PCDH10: variants seen among roughly 807,000 people sequenced by gnomAD.
PCDH10 encodes protocadherin-10.
In PCDH10, 15 loss-of-function variants were observed where a neutral mutation model predicts 74.4. The observed-to-expected ratio is 0.20, with a 90% CI of 0.13 to 0.31. The LOEUF (loss-of-function observed/expected upper bound fraction) is 0.31. Among genes scored for constraint, PCDH10 ranks in the 10% least tolerant of loss-of-function variants. PCDH10 has a pLI of 1.00. For synonymous variants in PCDH10, 619 were observed against 589.8 expected, an observed-to-expected ratio of 1.05 and a Z score of -0.72; for missense variants, 1,260 against 1,390.2, an observed-to-expected ratio of 0.91 and a Z score of 1.49.
At chr4:133,153,169 T>G (rs1156668400) in intron 1 of PCDH10, 1 of 1,127,612 alleles carries the variant, frequency 8.9e-7, no homozygotes, top group Non-Finnish European at 1.1e-6. Context: ...TCCCAGGCAT[T>G]AATAAAGTTG....
intron 2 of PCDH10, among the ~76,000 whole-genome samples, chr4:133,205,304 C>A (rs1193927351): frequency 6.6e-6 from 1 of 152,146 alleles, no homozygotes; most frequent in Non-Finnish European, 1.5e-5. Flanking sequence ...CTTGGTCAGG[C>A]TTGACTCATG....
intron 4 of PCDH10, among the ~76,000 whole-genome samples, chr4:133,181,241 TCAGA>T (rs1367520441): frequency 2.6e-5 from 4 of 152,120 alleles, no homozygotes; most frequent in African/African-American, 4.8e-5. Flanking sequence ...TATACAATAA[TCAGA>T]CAATTAGTCA....
chr4:133,204,229 T>A (rs546480439), intron 2 of PCDH10, among the ~76,000 whole-genome samples: 13 of 152,264 alleles, frequency 8.5e-5, no homozygotes, highest in African/African-American at 2.6e-4. Context: ...CTGGGAGCCA[T>A]GCTTAATTCT....
At position 133,164,325 on chromosome 4, in the gene PCDH10, A is replaced by G. The variant is rs2125863715; in HGVS notation, c.3103+1043A>G. Among the ~76,000 whole-genome samples, 3 of 152,162 alleles carry G rather than the reference A, an allele frequency of 2.0e-5. No homozygotes were observed. In the South Asian group the frequency reaches 6.2e-4, roughly 32 times the overall value. Reference sequence around the variant, plus strand: ...TAAAATAGCCTAAAATCAAACTTTAATAAGTGAGGAACATGATGCGATCTT... The same window carrying G: ...TAAAATAGCCTAAAATCAAACTTTAGTAAGTGAGGAACATGATGCGATCTT... On this transcript the variant is annotated intron_variant, in intron 4 of 4. Transcript: ENST00000264360.
At chr4:133,190,019 A>G (rs1727626150) in intron 4 of PCDH10, 122 bp from the exon 5 acceptor site, 2 of 779,460 alleles carry the variant, frequency 2.6e-6, no homozygotes, top group South Asian at 1.5e-5. Context: ...TTGACACTAC[A>G]TGTGTTTGGT....
chr4:133,169,944 CT>C (rs1727169538), intron 4 of PCDH10, among the ~76,000 whole-genome samples: 1 of 151,918 alleles, frequency 6.6e-6, no homozygotes, highest in African/African-American at 2.4e-5. Context: ...AATAATATTA[CT>C]GAATTAAGAT....
intron 4 of PCDH10, among the ~76,000 whole-genome samples, chr4:133,174,136 T>C (rs1453794426): frequency 1.3e-5 from 2 of 151,978 alleles, no homozygotes; most frequent in East Asian, 3.8e-4. Flanking sequence ...ATGGTGGCAG[T>C]TAGTATAGAA....
rs536815252 is a variant in PCDH10, at chr4:133,184,048, TA to T, written c.3104-6088del. On this transcript the variant is annotated intron_variant, in intron 4 of 4. Transcript: ENST00000264360. ...TATTCAATATACACATAAATTAAAA[TA>T]AAAATAAATACCTGCCTTTACTATG... Among the ~76,000 whole-genome samples the T allele has an allele frequency of 4.2e-4, 64 of 152,232 alleles. 1 individual carries two copies. The highest frequency in any genetic ancestry group is 1.3e-3 in the African/African-American group (55 of 41,560).
At chr4:133,155,236 T>A (rs1389330835) in intron 3 of PCDH10, among the ~76,000 whole-genome samples, 1 of 152,216 alleles carries the variant, frequency 6.6e-6, no homozygotes, top group Non-Finnish European at 1.5e-5. Flanking sequence ...TAGGAATTCA[T>A]TGTAGAGAGT....
At chr4:133,181,395 A>G (rs1727414050) in intron 4 of PCDH10, among the ~76,000 whole-genome samples, 1 of 152,030 alleles carries the variant, frequency 6.6e-6, no homozygotes, top group African/African-American at 2.4e-5. Flanking sequence ...TTAAAAACAC[A>G]ATGCAACATT....
rs1392325268 is a variant in PCDH10, at chr4:133,191,962, TATACACACACACACACACAC to T, written c.*1804_*1823del. On this transcript the variant is annotated 3_prime_UTR_variant, in exon 5 of 5. Transcript: ENST00000264360. ...TAGATTTAACTTTAAAATACATATA[TATACACACACACACACACAC>T]ACACACACACACACTTAGGTCCTGA... 8 of 139,364 alleles carry T rather than the reference TATACACACACACACACACAC, an allele frequency of 5.7e-5. No individual in the cohort carries two copies. The highest frequency in any genetic ancestry group is 9.3e-5 in the African/African-American group (3 of 32,102). The allele number at this position is 139,364 out of a possible 1,614,324, so 8.6% of individuals were successfully genotyped here.
In PCDH10 at chr4:133,191,224, A is replaced by G; in HGVS notation, c.*1064A>G. The G allele has an allele frequency of 6.6e-6, 1 of 152,346 alleles. No individual in the cohort carries two copies. The highest frequency in any genetic ancestry group is 3.2e-3 in the Middle Eastern group (1 of 314). The allele number at this position is 152,346 out of a possible 1,614,324, so 9.4% of individuals were successfully genotyped here. A position where few individuals can be genotyped will look rare whatever the true frequency, so the allele number is the denominator to read the frequency against. On this transcript the variant is annotated 3_prime_UTR_variant, in exon 5 of 5. Transcript: ENST00000264360. ...GGTGTAAAATATGTAATTGAAGATT[A>G]CTATTTTAAGAAGTCATCAGTCATA...
At position 133,150,745 on chromosome 4, in the gene PCDH10, C is replaced by T; in HGVS notation, c.605C>T (p.Thr202Ile). Residue 202 changes from threonine to isoleucine, a missense_variant, in exon 1 of 5, where the codon ACC becomes ATC. This residue lies in a region of PCDH10 where 14 missense variants were observed against 36.5 expected (regional missense o/e 0.38). Coordinates refer to ENST00000264360, the MANE Select transcript of PCDH10 (RefSeq NM_032961.3). ...CAAGCGGTGCACCGCTACGTGCTGACCGCGGTGGACGGAGGAGGTGGGGGA... is the reference window on the plus strand; with the variant it reads ...CAAGCGGTGCACCGCTACGTGCTGATCGCGGTGGACGGAGGAGGTGGGGGA... ...EQQAVHRYVL[T>I]AVDGGGGGGV... 1 of 1,606,146 alleles carries T rather than the reference C, an allele frequency of 6.2e-7. No homozygotes were observed. Among genetic ancestry groups the T allele is most frequent in the Non-Finnish European group, 8.5e-7 (1 of 1,175,932 alleles).
chr4:133,184,499 T>C (rs1042270599), intron 4 of PCDH10, among the ~76,000 whole-genome samples: 4 of 151,516 alleles, frequency 2.6e-5, no homozygotes, highest in Non-Finnish European at 5.9e-5. Context: ...GGTGCGCAAC[T>C]GTAATCCCAG....
At position 133,150,226 on chromosome 4, in the gene PCDH10, A is replaced by G. The variant is rs748700335; in HGVS notation, c.86A>G (p.Glu29Gly). The change falls in exon 1 of 5, where the codon GAA becomes GGA. Residue 29 changes from glutamate to glycine, a missense_variant. Physicochemically the swap from Glu to Gly is moderately conservative, Grantham distance 98. Around this residue, in one of 11 missense-constraint regions of PCDH10, gnomAD observed 103 missense variants for 91.5 expected, o/e 1.13. Coordinates refer to ENST00000264360, the MANE Select transcript of PCDH10 (RefSeq NM_032961.3). ...CACTACACGGTACAGGAGGAGCAGG[A>G]ACATGGCACTTTCGTGGGGAATATC... is the stretch of plus-strand genomic sequence containing the variant. ...QLHYTVQEEQ[E>G]HGTFVGNIAE... The G allele has an allele frequency of 6.2e-7, 1 of 1,613,716 alleles. No individual in the cohort carries two copies. The highest frequency in any genetic ancestry group is 1.3e-5 in the African/African-American group (1 of 74,888).
chr4:133,162,007 T>C (rs1726980161), intron 3 of PCDH10, among the ~76,000 whole-genome samples: 1 of 152,216 alleles, frequency 6.6e-6, no homozygotes, highest in African/African-American at 2.4e-5. Flanking sequence ...AAAATTCTTA[T>C]GCTTTGCTTA....
intron 4 of PCDH10, among the ~76,000 whole-genome samples, chr4:133,176,415 G>T (rs529361561): frequency 1.3e-5 from 2 of 152,256 alleles, no homozygotes; most frequent in Non-Finnish European, 2.9e-5. Flanking sequence ...AGCAGTGAGT[G>T]CCTGCCCAAA....
At chr4:133,170,408 A>C (rs2125866223) in intron 4 of PCDH10, among the ~76,000 whole-genome samples, 1 of 152,248 alleles carries the variant, frequency 6.6e-6, no homozygotes, top group African/African-American at 2.4e-5. Flanking sequence ...GATAACTTTA[A>C]GTCATTCAAC....
chr4:133,206,277 T>C (rs571104675), intron 2 of PCDH10, among the ~76,000 whole-genome samples: 2 of 152,294 alleles, frequency 1.3e-5, no homozygotes, highest in Middle Eastern at 6.8e-3. Flanking sequence ...CGATTGCACA[T>C]TAAACTGTGC....
Sources: gnomAD v4.1 joint callset for allele counts (sites outside exome capture counted in the v4.1 genomes callset) on GRCh38, gnomAD v4.1.1 for gene constraint, gnomAD v4.1.1 regional missense constraint, MANE v1.5 for transcripts, NCBI Gene and HGNC (gene_info 2026-07-23, HGNC 2026-07-21) for gene names.